The following MYO16 variants were observed in gnomAD, a reference collection of about 807,000 sequenced individuals.
MYO16 encodes myosin XVI, also known as unconventional myosin-XVI.
In MYO16, 94 loss-of-function variants were observed where a neutral mutation model predicts 205.3. That is an observed-to-expected ratio of 0.46 (90% CI 0.39 to 0.54). The LOEUF (loss-of-function observed/expected upper bound fraction) is 0.54. Ranked by LOEUF, MYO16 falls within the 20% of genes least tolerant of loss-of-function variation. MYO16 has a pLI of 0.00. For missense variants in MYO16, 2,315 were observed against 2,387.5 expected (o/e 0.97, Z 0.63); for synonymous variants, 988 against 954.0 (o/e 1.04, Z -0.66).
At chr13:108,811,748 G>C (rs1305030166) in intron 7 of MYO16, among the ~76,000 whole-genome samples, 1 of 151,976 alleles carries the variant, frequency 6.6e-6, no homozygotes, top group Non-Finnish European at 1.5e-5. Context: ...CAGTCAATCT[G>C]TGCCTCCTCA....
chr13:109,056,481 T>C (rs1887422379), intron 27 of MYO16, among the ~76,000 whole-genome samples: 1 of 152,208 alleles, frequency 6.6e-6, no homozygotes, highest in Non-Finnish European at 1.5e-5. Context: ...GGGTAGTAAC[T>C]TAATTTACAG....
At chr13:108,694,368 A>G (rs142206956) in intron 2 of MYO16, among the ~76,000 whole-genome samples, 177 of 152,304 alleles carry the variant, frequency 1.2e-3, no homozygotes, top group African/African-American at 4.1e-3. Flanking sequence ...ACTGTTTTCT[A>G]CAGTGGCGAA....
rs1198609863 is a variant in MYO16 at position 109,055,590 on chromosome 13, G to C, written c.3330G>C (p.Leu1110=). The change falls in exon 27 of 35, where the codon CTG becomes CTC. Residue 1110 remains leucine (L), a synonymous_variant. Transcript: ENST00000457511. The surrounding 1 kb of genome is among the most constrained non-coding windows in gnomAD (Gnocchi z 5.0). The part of the protein sequence containing the change: ...YPVRLSFSDF[L]SRYKPLADTF... The stretch of plus-strand genomic sequence containing the variant: ...TTCGCCTTTCCTTCTCGGATTTCCT[G>C]TCAAGGTAAATTCTTCTGCTCTTAA... 3.7e-6 allele frequency: 6 copies of C among 1,608,366 alleles called. No homozygotes were observed. The highest frequency in any genetic ancestry group is 4.2e-6 in the Non-Finnish European group (5 of 1,178,740).
chr13:108,967,717 G>A (rs1005327717), intron 20 of MYO16, among the ~76,000 whole-genome samples: 6 of 152,186 alleles, frequency 3.9e-5, no homozygotes, highest in African/African-American at 1.4e-4. Context: ...ATAATATAAT[G>A]CCGTATATTT....
chr13:109,026,693 G>A (rs1233138372), intron 23 of MYO16, among the ~76,000 whole-genome samples: 2 of 152,086 alleles, frequency 1.3e-5, no homozygotes, highest in Non-Finnish European at 2.9e-5. Context: ...CTCTAACCCA[G>A]GTTTTTGCAC....
intron 27 of MYO16, among the ~76,000 whole-genome samples, chr13:109,085,615 A>G (rs1386426524): frequency 1.3e-5 from 2 of 152,240 alleles, no homozygotes; most frequent in African/African-American, 4.8e-5. Flanking sequence ...ATTTGAGTAC[A>G]TAACATTTTT....
intron 16 of MYO16, among the ~76,000 whole-genome samples, chr13:108,926,597 C>T (rs1882017899): frequency 6.6e-6 from 1 of 152,026 alleles, no homozygotes; most frequent in Non-Finnish European, 1.5e-5. Flanking sequence ...GAAAAAGTCA[C>T]CAGGAACAGG....
the MYO16 span, among the ~76,000 whole-genome samples, chr13:108,570,465 A>G: frequency 2.6e-5 from 4 of 152,152 alleles, 1 homozygote; most frequent in Middle Eastern, 0.01. Context: ...GCCCAGCCTG[A>G]TCTAAAACTC....
At chr13:108,864,760 G>A (rs79904395) in intron 11 of MYO16, among the ~76,000 whole-genome samples, 7 of 151,856 alleles carry the variant, frequency 4.6e-5, no homozygotes, top group Admixed American at 3.3e-4. Context: ...GAACTCCAGG[G>A]CTCAAACAAT....
chr13:108,897,234 T>C lies in MYO16; in HGVS notation c.1660-782T>C, dbSNP rs1017735823. ...CCAGATTTTCATACATTTTGGAGAA[T>C]TGCTTGGTCCCCATCACCTTCACAG... On this transcript the variant is annotated intron_variant, in intron 14 of 34. Transcript: ENST00000457511. Among the ~76,000 whole-genome samples the C allele has an allele frequency of 6.6e-5, 10 of 152,184 alleles. 1 individual carries two copies. Among genetic ancestry groups the C allele is most frequent in the Admixed American group, 5.2e-4 (8 of 15,276 alleles).
At chr13:108,652,146 T>C (rs1352795384) in intron 1 of MYO16, among the ~76,000 whole-genome samples, 2 of 148,364 alleles carry the variant, frequency 1.3e-5, no homozygotes, top group Non-Finnish European at 3.0e-5. Context: ...TACCAATGTG[T>C]GTGTGTGTGC....
At chr13:109,091,256 T>C (rs1888614204) in intron 27 of MYO16, among the ~76,000 whole-genome samples, 1 of 152,218 alleles carries the variant, frequency 6.6e-6, no homozygotes, top group South Asian at 2.1e-4. Context: ...ATCCTCATTC[T>C]ATCAGAGCTA....
At chr13:108,777,351 T>A (rs992931105) in intron 4 of MYO16, among the ~76,000 whole-genome samples, 5 of 152,138 alleles carry the variant, frequency 3.3e-5, no homozygotes, top group Admixed American at 3.3e-4. Context: ...AAAGGTAGAT[T>A]AATTACAAAG....
At chr13:109,062,750 A>G (rs1342341751) in intron 27 of MYO16, among the ~76,000 whole-genome samples, 3 of 152,180 alleles carry the variant, frequency 2.0e-5, no homozygotes, top group African/African-American at 7.2e-5. Context: ...TTTCTTGAGT[A>G]TTCAAGAAGC....
intron 15 of MYO16, among the ~76,000 whole-genome samples, chr13:108,907,470 C>A (rs1316932257): frequency 6.6e-6 from 1 of 152,106 alleles, no homozygotes; most frequent in East Asian, 1.9e-4. Flanking sequence ...TACATGAATG[C>A]GTCCTGAAAC....
At chr13:108,722,627 A>G (rs967838674) in intron 3 of MYO16, among the ~76,000 whole-genome samples, 17 of 152,196 alleles carry the variant, frequency 1.1e-4, no homozygotes, top group Admixed American at 3.9e-4. Flanking sequence ...CTTGACAGGC[A>G]CAGAAGGAGG....
At chr13:108,735,463 A>AGTATTCCATGTTATATACCATGT (rs1555342835) in intron 4 of MYO16, among the ~76,000 whole-genome samples, 18 of 146,274 alleles carry the variant, frequency 1.2e-4, no homozygotes, top group Non-Finnish European at 2.7e-4. Context: ...ATGGCTGCAT[A>AGTATTCCATGTTATATACCATGT]GTATTCCATG....
intron 27 of MYO16, among the ~76,000 whole-genome samples, chr13:109,062,629 A>G (rs1464992093): frequency 2.6e-5 from 1 of 38,900 alleles, no homozygotes; most frequent in Non-Finnish European, 6.3e-5. Context: ...CTGAAATAAT[A>G]TTACAAAAAA....
At chr13:108,840,126 C>T (rs1877163850) in intron 9 of MYO16, among the ~76,000 whole-genome samples, 1 of 152,206 alleles carries the variant, frequency 6.6e-6, no homozygotes, top group Admixed American at 6.5e-5. Flanking sequence ...CATGCCCATA[C>T]ATCTGTACTG....
Sources: gnomAD v4.1 joint callset for allele counts (sites outside exome capture counted in the v4.1 genomes callset) on GRCh38, gnomAD v4.1.1 for gene constraint, Gnocchi (gnomAD v3.1) non-coding constraint, MANE v1.5 for transcripts, NCBI Gene and HGNC (gene_info 2026-07-23, HGNC 2026-07-21) for gene names.